TWIST2: variants seen among roughly 807,000 people sequenced by gnomAD.
TWIST2 encodes the protein twist family bHLH transcription factor 2, also known as twist-related protein 2.
A neutral mutation model predicts 11.6 loss-of-function variants in TWIST2; 1 was observed. The ratio of observed to expected loss-of-function variants is 0.09; its 90% confidence interval spans 0.03 to 0.41. The LOEUF (loss-of-function observed/expected upper bound fraction) is 0.41. TWIST2 is among the 10% of genes least tolerant of loss of function. The probability of loss-of-function intolerance (pLI) is 0.98; values close to 1 mark genes in which losing one functional copy is unlikely to be tolerated. For missense variants in TWIST2, 168 were observed against 226.4 expected (o/e 0.74, Z 1.66); for synonymous variants, 87 against 96.6 (o/e 0.90, Z 0.58).
At chr2:238,872,400 C>T (rs943290796) in intron 1 of TWIST2, among the ~76,000 whole-genome samples, 1 of 152,196 alleles carries the variant, frequency 6.6e-6, no homozygotes, top group African/African-American at 2.4e-5. Context: ...CCAGCACGTT[C>T]TACTTGGAAG....
intron 1 of TWIST2, among the ~76,000 whole-genome samples, chr2:238,903,057 T>G (rs1693296502): frequency 8.4e-6 from 1 of 119,372 alleles, no homozygotes; most frequent in Non-Finnish European, 1.7e-5. Context: ...GTGTGATGTG[T>G]GTGTGATGTA....
chr2:238,860,266 G>C (rs1692407817), intron 1 of TWIST2, among the ~76,000 whole-genome samples: 1 of 152,212 alleles, frequency 6.6e-6, no homozygotes, highest in African/African-American at 2.4e-5. Flanking sequence ...TCAGGAGGGT[G>C]GCACTAACTC....
At chr2:238,896,642 A>G (rs933714877) in intron 1 of TWIST2, among the ~76,000 whole-genome samples, 24 of 152,300 alleles carry the variant, frequency 1.6e-4, no homozygotes, top group Non-Finnish European at 2.9e-4. Flanking sequence ...GCAGACACCC[A>G]TCAATCCTCT....
At chr2:238,900,050 G>A (rs2106372642) in intron 1 of TWIST2, among the ~76,000 whole-genome samples, 2 of 152,230 alleles carry the variant, frequency 1.3e-5, no homozygotes, top group East Asian at 3.8e-4. Context: ...ATATAGATGG[G>A]AATTATCTGT....
intron 1 of TWIST2, among the ~76,000 whole-genome samples, chr2:238,855,887 C>T (rs979958611): frequency 6.6e-5 from 10 of 152,242 alleles, no homozygotes; most frequent in African/African-American, 1.2e-4. Flanking sequence ...GTGTGCTTGG[C>T]GACTCCCTCT....
Position 238,848,259 on chromosome 2 carries a change from T to G in TWIST2, c.44T>G (p.Leu15Arg). 1 of 1,524,246 alleles carries G rather than the reference T, an allele frequency of 6.6e-7. No homozygotes were observed. Among genetic ancestry groups the G allele is most frequent in the Non-Finnish European group, 8.8e-7 (1 of 1,138,824 alleles). The allele number at this position is 1,524,246 out of a possible 1,614,324, so 94.4% of individuals were successfully genotyped here. ...TCGCCCGTGTCCCCCGTGGACAGCC[T>G]GGGCACCAGCGAGGAGGAGCTCGAG... ...SSSPVSPVDS[L>R]GTSEEELERQ... is the part of the protein sequence containing the mutation. Residue 15 changes from leucine (L) to arginine (R), a missense_variant, in exon 1 of 2, where the codon CTG (leucine) becomes CGG (arginine). Physicochemically the swap from Leu to Arg is moderately radical, Grantham distance 102 (BLOSUM62 -2). Transcript: ENST00000612363.
chr2:238,852,278 G>T (rs894577451), intron 1 of TWIST2, among the ~76,000 whole-genome samples: 2 of 152,032 alleles, frequency 1.3e-5, no homozygotes, highest in African/African-American at 4.8e-5. Context: ...CTTTTATGAC[G>T]GTTTTTAAGC....
rs1190831957 is a variant in TWIST2 at position 238,867,399 on chromosome 2, ACACACACACACACT to A, written c.*35+18668_*35+18681del. ...CACACACACACACACACACACACACACACACACACACACTCCTCAGTAAAATACCCAGTTCTCAC... is the reference window on the plus strand; with the variant it reads ...CACACACACACACACACACACACACACCTCAGTAAAATACCCAGTTCTCAC... On this transcript the variant is annotated intron_variant, in intron 1 of 1. Transcript: ENST00000612363. This position sits in a 1 kb window ranked among gnomAD's most constrained non-coding sequence, Gnocchi z 4.8. 6.6e-6 allele frequency among the ~76,000 whole-genome samples: 1 copy of A among 151,212 alleles called. No homozygotes were observed. The highest frequency in any genetic ancestry group is 1.5e-5 in the Non-Finnish European group (1 of 67,778).
At chr2:238,878,905 T>C (rs1692855544) in intron 1 of TWIST2, among the ~76,000 whole-genome samples, 1 of 152,204 alleles carries the variant, frequency 6.6e-6, no homozygotes, top group Admixed American at 6.5e-5. Context: ...AATGTTAATG[T>C]TGGAGCCTGC....
chr2:238,879,572 A>C (rs1425516790), intron 1 of TWIST2, among the ~76,000 whole-genome samples: 1 of 152,054 alleles, frequency 6.6e-6, no homozygotes, highest in Admixed American at 6.6e-5. Flanking sequence ...CCCATCCCCT[A>C]TTCTGACATG....
chr2:238,850,489 G>A (rs1435311143), intron 1 of TWIST2, among the ~76,000 whole-genome samples: 1 of 152,132 alleles, frequency 6.6e-6, no homozygotes, highest in African/African-American at 2.4e-5. Flanking sequence ...CGTGTTTAAG[G>A]AAAATGTCAC....
At chr2:238,905,675 A>T (rs1200880546) in intron 1 of TWIST2, among the ~76,000 whole-genome samples, 1 of 151,988 alleles carries the variant, frequency 6.6e-6, no homozygotes, top group African/African-American at 2.4e-5. Flanking sequence ...TGTGGTAATT[A>T]TTTCCTCCCA....
intron 1 of TWIST2, among the ~76,000 whole-genome samples, chr2:238,860,680 G>A (rs756502910): frequency 6.6e-6 from 1 of 152,226 alleles, no homozygotes; most frequent in Non-Finnish European, 1.5e-5. Flanking sequence ...GCTCACGCCT[G>A]TAATCCCAGC....
At chr2:238,854,770 G>C (rs1574745648) in intron 1 of TWIST2, among the ~76,000 whole-genome samples, 1 of 152,192 alleles carries the variant, frequency 6.6e-6, no homozygotes, top group African/African-American at 2.4e-5. Flanking sequence ...GGGACAGCTT[G>C]GAGCATGAAC....
At chr2:238,868,919 G>T (rs556912167) in intron 1 of TWIST2, among the ~76,000 whole-genome samples, 1 of 152,204 alleles carries the variant, frequency 6.6e-6, no homozygotes, top group Non-Finnish European at 1.5e-5. Context: ...GCATTCTCTC[G>T]CATTTTCTAG....
intron 1 of TWIST2, among the ~76,000 whole-genome samples, chr2:238,897,558 G>A (rs1693220681): frequency 6.6e-6 from 1 of 152,198 alleles, no homozygotes; most frequent in South Asian, 2.1e-4. Context: ...CCTGCTCAGG[G>A]CCAGCCTTGT....
chr2:238,868,491 G>A (rs538475318), intron 1 of TWIST2, among the ~76,000 whole-genome samples: 2 of 152,240 alleles, frequency 1.3e-5, no homozygotes, highest in African/African-American at 4.8e-5. Context: ...CAGACTCAAG[G>A]GGTATGGCCA....
chr2:238,907,368 T>C (rs900382424), intron 1 of TWIST2, among the ~76,000 whole-genome samples: 51 of 152,274 alleles, frequency 3.3e-4, no homozygotes, highest in African/African-American at 1.1e-3. Context: ...AGGCGCGGGA[T>C]TGGGGTCCCC....
At chr2:238,851,882 C>T (rs1432292919) in intron 1 of TWIST2, among the ~76,000 whole-genome samples, 1 of 152,180 alleles carries the variant, frequency 6.6e-6, no homozygotes, top group Non-Finnish European at 1.5e-5. Flanking sequence ...TAATGTGGGT[C>T]TTTCCCCTTA....
Sources: gnomAD v4.1 joint callset for allele counts (sites outside exome capture counted in the v4.1 genomes callset) on GRCh38, gnomAD v4.1.1 for gene constraint, Gnocchi (gnomAD v3.1) non-coding constraint, MANE v1.5 for transcripts, NCBI Gene and HGNC (gene_info 2026-07-23, HGNC 2026-07-21) for gene names.